Variants in PAPPA observed in about 807,000 individuals in gnomAD.
PAPPA encodes the protein pappalysin 1, also known as pappalysin-1.
PAPPA carries 60 observed loss-of-function variants against 164.0 expected under a neutral mutation model. That is an observed-to-expected ratio of 0.37 (90% CI 0.30 to 0.45). The LOEUF is 0.45. PAPPA is among the 20% of genes least tolerant of loss of function. PAPPA has a pLI of 1.00. For synonymous variants in PAPPA, 875 were observed against 814.1 expected (o/e 1.07, Z -1.27); for missense variants, 1,782 against 2,087.3 (o/e 0.85, Z 2.85).
In PAPPA at chr9:116,187,260, G is replaced by T; in HGVS notation, c.522G>T (p.Leu174Phe). 1 of 1,614,062 alleles carries T rather than the reference G, an allele frequency of 6.2e-7. No individual in the cohort carries two copies. Among genetic ancestry groups the T allele is most frequent in the Non-Finnish European group, 8.5e-7 (1 of 1,180,022 alleles). ...AAGACCCACGCTACTTTTTCTCCTT[G>T]AAGACAGACCGAGCCCGGCAAGTGA... is the stretch of plus-strand genomic sequence containing the variant. ...DNKDPRYFFS[L>F]KTDRARQVTT... The change falls in exon 2 of 22, where the codon TTG becomes TTT. Residue 174 changes from leucine (L) to phenylalanine (F), a missense_variant. Physicochemically the swap from Leu to Phe is conservative, Grantham distance 22 (BLOSUM62 0). Around this residue, in one of 2 missense-constraint regions of PAPPA, gnomAD observed 458 missense variants for 430.3 expected, o/e 1.06. Transcript: ENST00000328252. The surrounding 1 kb of genome is among the most constrained non-coding windows in gnomAD (Gnocchi z 4.2).
rs201755521 is a variant in PAPPA, at chr9:116,323,569, G to GA, written c.3148-7667dup. On this transcript the variant is annotated intron_variant, in intron 10 of 21. Coordinates refer to ENST00000328252, the MANE Select transcript of PAPPA (RefSeq NM_002581.5). ...AAAGAAAGAAAGAGAGAGAGAGAGAGAAAAAAAACACATTGCTAGAAAGGC... is the reference window on the plus strand; with the variant it reads ...AAAGAAAGAAAGAGAGAGAGAGAGAGAAAAAAAAACACATTGCTAGAAAGGC... Among the ~76,000 whole-genome samples the GA allele has an allele frequency of 5.8e-4, 88 of 151,652 alleles. No individual in the cohort carries two copies. The East Asian group carries it at 0.012, about 20-fold the overall frequency.
In PAPPA at chr9:116,354,434, C is replaced by G. The variant is rs112363929; in HGVS notation, c.4347+641C>G. On this transcript the variant is annotated intron_variant, in intron 17 of 21. Coordinates refer to ENST00000328252, the MANE Select transcript of PAPPA (RefSeq NM_002581.5). Reference sequence around the variant, plus strand: ...ACAAGGAGCTCCATCTCCATCAAAGCAACCATGCAGAGTTGATAACCCAAG... The same window carrying G: ...ACAAGGAGCTCCATCTCCATCAAAGGAACCATGCAGAGTTGATAACCCAAG... Among the ~76,000 whole-genome samples the G allele has an allele frequency of 6.3e-3, 953 of 152,314 alleles. 16 individuals carry two copies. The South Asian group carries it at 0.067, about 11-fold the overall frequency.
At chr9:116,304,077 T>C (rs985534336) in intron 10 of PAPPA, among the ~76,000 whole-genome samples, 4 of 152,222 alleles carry the variant, frequency 2.6e-5, no homozygotes, top group Admixed American at 6.5e-5. Flanking sequence ...AGTGCACAGA[T>C]AGATGAATGG....
intron 10 of PAPPA, among the ~76,000 whole-genome samples, chr9:116,315,275 C>T (rs973247892): frequency 5.3e-5 from 8 of 151,994 alleles, no homozygotes; most frequent in Admixed American, 3.3e-4. Flanking sequence ...GAAGAGGTCC[C>T]GAAAACCCAT....
chr9:116,180,189 T>C (rs564112578), intron 1 of PAPPA, among the ~76,000 whole-genome samples: 3 of 152,188 alleles, frequency 2.0e-5, no homozygotes, highest in Admixed American at 2.0e-4. Context: ...AACACTCTTA[T>C]ATCCTAAGGA....
intron 12 of PAPPA, 42 bp from the exon 13 acceptor site, chr9:116,334,819 G>C: frequency 6.6e-7 from 1 of 1,506,600 alleles, no homozygotes; most frequent in Non-Finnish European, 9.2e-7. Flanking sequence ...CTGGCCTTGA[G>C]TAATGAGCCT....
intron 7 of PAPPA, among the ~76,000 whole-genome samples, chr9:116,252,812 G>A (rs978774450): frequency 3.9e-5 from 6 of 152,128 alleles, no homozygotes; most frequent in Non-Finnish European, 5.9e-5. Context: ...TTGGTATACC[G>A]TGAATTTCAG....
intron 1 of PAPPA, among the ~76,000 whole-genome samples, chr9:116,179,061 A>G (rs1843870121): frequency 6.6e-6 from 1 of 152,244 alleles, no homozygotes; most frequent in South Asian, 2.1e-4. Context: ...ATAGCCTTAA[A>G]TAGTTTACAA....
intron 10 of PAPPA, among the ~76,000 whole-genome samples, chr9:116,303,153 G>A (rs192235427): frequency 6.6e-6 from 1 of 152,064 alleles, no homozygotes. Context: ...TGTATGATAG[G>A]GTAATGACTG....
chr9:116,192,218 C>T (rs1844051577), intron 2 of PAPPA, among the ~76,000 whole-genome samples: 1 of 152,134 alleles, frequency 6.6e-6, no homozygotes, highest in Non-Finnish European at 1.5e-5. Flanking sequence ...GGACACAGAG[C>T]AGGGTGGGGA....
rs534650022 is a variant in PAPPA at position 116,194,621 on chromosome 9, T to A, written c.1478+6405T>A. ...CACATTGCTCAGTAAGAGCCGCTGG[T>A]TTCTCATCTGTAATAATTGGGTGAT... is the stretch of plus-strand genomic sequence containing the variant. On this transcript the variant is annotated intron_variant, in intron 2 of 21. Coordinates refer to ENST00000328252, the MANE Select transcript of PAPPA (RefSeq NM_002581.5). 3.9e-5 allele frequency among the ~76,000 whole-genome samples: 6 copies of A among 152,276 alleles called. No homozygotes were observed. In the South Asian group the frequency reaches 1.2e-3, roughly 32 times the overall value.
In PAPPA at chr9:116,371,693, T is replaced by C. The variant is rs186554610; in HGVS notation, c.4605+3939T>C. Among the ~76,000 whole-genome samples, 129 of 152,278 alleles carry C rather than the reference T, an allele frequency of 8.5e-4. 1 individual carries two copies. Among genetic ancestry groups the C allele is most frequent in the East Asian group, 3.1e-3 (16 of 5,184 alleles). On this transcript the variant is annotated intron_variant, in intron 19 of 21. Coordinates refer to ENST00000328252, the MANE Select transcript of PAPPA (RefSeq NM_002581.5). Reference sequence around the variant, plus strand: ...CCTGTCCTCAAGTGATCCTTCTGCCTCAGCCTCCTTCTTTTTTATTGAGCT... The same window carrying C: ...CCTGTCCTCAAGTGATCCTTCTGCCCCAGCCTCCTTCTTTTTTATTGAGCT...
intron 10 of PAPPA, among the ~76,000 whole-genome samples, chr9:116,323,742 T>C (rs1315830334): frequency 6.6e-6 from 1 of 151,782 alleles, no homozygotes; most frequent in East Asian, 1.9e-4. Context: ...TGTTTGTTTC[T>C]TTGTTTGTTT....
chr9:116,292,503 AAGT>A lies in PAPPA; in HGVS notation c.2954-10251_2954-10249del, dbSNP rs371383576. 7.2e-5 allele frequency among the ~76,000 whole-genome samples: 11 copies of A among 152,300 alleles called. No individual in the cohort carries two copies. In the East Asian group the frequency reaches 1.7e-3, roughly 24 times the overall value. On this transcript the variant is annotated intron_variant, in intron 9 of 21. Transcript: ENST00000328252. ...TGGTGTTAAAGGGTGAGCTGAAAAA[AAGT>A]AGGACAGATGACTGGGAAGGTTTTG...
At chr9:116,387,395 T>TTTTTC (rs1392467765) in intron 21 of PAPPA, among the ~76,000 whole-genome samples, 7 of 152,158 alleles carry the variant, frequency 4.6e-5, no homozygotes, top group African/African-American at 1.7e-4. Context: ...TTCTTTTTTC[T>TTTTTC]TTTTCTTTTG....
At chr9:116,224,501 C>T (rs954967313) in intron 5 of PAPPA, among the ~76,000 whole-genome samples, 1 of 152,180 alleles carries the variant, frequency 6.6e-6, no homozygotes, top group East Asian at 1.9e-4. Flanking sequence ...ATTTGTGTAA[C>T]TATTTCCTCA....
At chr9:116,184,998 A>G (rs1476632366) in intron 1 of PAPPA, among the ~76,000 whole-genome samples, 2 of 152,222 alleles carry the variant, frequency 1.3e-5, no homozygotes, top group Non-Finnish European at 2.9e-5. Flanking sequence ...CGAAGAGCAC[A>G]TGTCAAGTTT....
At chr9:116,213,714 A>T (rs1045679454) in intron 4 of PAPPA, among the ~76,000 whole-genome samples, 5 of 151,760 alleles carry the variant, frequency 3.3e-5, no homozygotes, top group Admixed American at 6.6e-5. Context: ...TTGATTTACT[A>T]TTTTTTTTAA....
Position 116,271,303 on chromosome 9 carries a change from C to G in PAPPA, c.2862-22C>G. On this transcript the variant is annotated intron_variant, in intron 8 of 21. Transcript: ENST00000328252. This position sits in a 1 kb window ranked among gnomAD's most constrained non-coding sequence, Gnocchi z 4.2. ...GTTTTAAGACTAAATTGGCAAATTT[C>G]TCTTCCATATCTGCTCTGCAGAGAC... 1.3e-6 allele frequency: 2 copies of G among 1,592,804 alleles called. No individual in the cohort carries two copies. The highest frequency in any genetic ancestry group is 1.7e-6 in the Non-Finnish European group (2 of 1,160,994).
Sources: allele counts gnomAD v4.1 joint callset (sites outside exome capture counted in the v4.1 genomes callset), GRCh38; gene constraint gnomAD v4.1.1; regional missense constraint gnomAD v4.1.1; non-coding constraint Gnocchi (gnomAD v3.1); transcripts MANE v1.5; gene names NCBI Gene and HGNC (gene_info 2026-07-23, HGNC 2026-07-21).